The following FAM13B variants were observed in gnomAD, a reference collection of about 807,000 sequenced individuals.
FAM13B encodes protein FAM13B.
Under a neutral mutation model 117.3 loss-of-function variants are expected in FAM13B, and 60 were observed. The ratio of observed to expected loss-of-function variants is 0.51; its 90% CI spans 0.42 to 0.63. FAM13B has a LOEUF of 0.63. FAM13B is among the 30% of genes least tolerant of loss of function. The pLI, the probability that FAM13B is intolerant of heterozygous loss-of-function variation, is 0.00. For synonymous variants in FAM13B, 332 were observed against 356.1 expected (o/e 0.93, Z 0.76); for missense variants, 972 against 1,091.9 (o/e 0.89, Z 1.55).
chr5:138,000,689 G>A (rs1781001988), intron 7 of FAM13B, among the ~76,000 whole-genome samples: 1 of 152,098 alleles, frequency 6.6e-6, no homozygotes, highest in Non-Finnish European at 1.5e-5. Flanking sequence ...CCAACACTTT[G>A]GGAGGCCGAA....
At chr5:137,976,594 C>T (rs1774083891) in intron 10 of FAM13B, among the ~76,000 whole-genome samples, 2 of 152,162 alleles carry the variant, frequency 1.3e-5, no homozygotes, top group African/African-American at 4.8e-5. Context: ...GAAGCCATGG[C>T]AGAAGAACGT....
At chr5:138,042,435 C>T (rs2151128051) in intron 1 of FAM13B, among the ~76,000 whole-genome samples, 1 of 152,158 alleles carries the variant, frequency 6.6e-6, no homozygotes, top group Middle Eastern at 3.4e-3. Flanking sequence ...TATATGTTCA[C>T]CTAGGGACAA....
intron 7 of FAM13B, among the ~76,000 whole-genome samples, chr5:138,003,657 T>C (rs1781817788): frequency 6.6e-6 from 1 of 152,034 alleles, no homozygotes; most frequent in Non-Finnish European, 1.5e-5. Flanking sequence ...CAGAGACACA[T>C]AAATCACAAT....
chr5:137,940,528 AT>A (rs1201060550), intron 23 of FAM13B, 180 bp from the exon 24 acceptor site: 6 of 547,594 alleles, frequency 1.1e-5, no homozygotes, highest in Admixed American at 3.6e-5. Context: ...CACTTCTAAA[AT>A]TTTTGATGGA....
chr5:137,941,901 G>A, intron 23 of FAM13B, 43 bp downstream of exon 23: 1 of 1,465,732 alleles, frequency 6.8e-7, no homozygotes, highest in Non-Finnish European at 9.5e-7. Context: ...CAGTTTGTGA[G>A]TTAGAGAAGA....
chr5:138,001,571 A>G (rs757383772), intron 7 of FAM13B, among the ~76,000 whole-genome samples: 15 of 152,214 alleles, frequency 9.9e-5, no homozygotes, highest in Non-Finnish European at 1.6e-4. Context: ...TGTAGCAGGC[A>G]CTATCCTAAG....
chr5:137,977,449 T>G (rs1774350553), intron 10 of FAM13B, among the ~76,000 whole-genome samples: 2 of 152,186 alleles, frequency 1.3e-5, no homozygotes, highest in African/African-American at 4.8e-5. Flanking sequence ...AAAAACTTGC[T>G]GGTTTTACAG....
At position 137,956,502 on chromosome 5, in the gene FAM13B, T is replaced by C. The variant is rs1766599708; in HGVS notation, c.1482A>G (p.Thr494=). ...CCTCCCCATCTCTCTGCAGATGCATTGTTTTGAAATCAATGAGGGGAAAAG... is the reference window on the plus strand; with the variant it reads ...CCTCCCCATCTCTCTGCAGATGCATCGTTTTGAAATCAATGAGGGGAAAAG... ...PITFPLIDFK[T]MHLQRDGEEP... The change falls in exon 14 of 24, where the codon ACA becomes ACG. Residue 494 remains threonine, a synonymous_variant. Coordinates refer to ENST00000689681, the MANE Select transcript of FAM13B (RefSeq NM_001385994.1). 1 of 1,601,616 alleles carries C rather than the reference T, an allele frequency of 6.2e-7. No homozygotes were observed. Among genetic ancestry groups the C allele is most frequent in the African/African-American group, 1.3e-5 (1 of 74,748 alleles).
intron 1 of FAM13B, among the ~76,000 whole-genome samples, chr5:138,031,611 G>C (rs1168435610): frequency 6.6e-6 from 1 of 151,996 alleles, no homozygotes; most frequent in Non-Finnish European, 1.5e-5. Flanking sequence ...CTTGAATCCG[G>C]GAGGAGGAGG....
At chr5:137,946,061 C>T (rs1042638749) in intron 19 of FAM13B, 64 bp from the exon 20 acceptor site, 131 of 1,414,550 alleles carry the variant, frequency 9.3e-5, no homozygotes, top group Middle Eastern at 1.8e-4. Flanking sequence ...AAACATTAAA[C>T]AATGACTTAT....
intron 7 of FAM13B, among the ~76,000 whole-genome samples, chr5:138,000,536 A>G (rs1228898380): frequency 6.6e-6 from 1 of 152,224 alleles, no homozygotes; most frequent in Non-Finnish European, 1.5e-5. Flanking sequence ...TTGTATAACC[A>G]AAATATCTGA....
At chr5:138,014,676 G>A (rs994026360) in intron 4 of FAM13B, among the ~76,000 whole-genome samples, 2 of 152,142 alleles carry the variant, frequency 1.3e-5, no homozygotes, top group African/African-American at 4.8e-5. Flanking sequence ...AAAAGATGTT[G>A]AACATACTAC....
chr5:138,022,957 T>G (rs1408535545), intron 1 of FAM13B, among the ~76,000 whole-genome samples: 1 of 151,900 alleles, frequency 6.6e-6, no homozygotes, highest in Non-Finnish European at 1.5e-5. Context: ...CCTCCCAAAT[T>G]GCTGGGCCTA....
At chr5:137,943,744 C>CA (rs61473240) in intron 20 of FAM13B, among the ~76,000 whole-genome samples, 26,845 of 148,900 alleles carry the variant, frequency 0.18, 2,443 homozygotes, top group African/African-American at 0.21. Context: ...GACTCTGCCT[C>CA]AAAAAAAAAA....
At chr5:137,947,804 C>T (rs1371935380) in intron 18 of FAM13B, among the ~76,000 whole-genome samples, 1 of 152,010 alleles carries the variant, frequency 6.6e-6, no homozygotes, top group African/African-American at 2.4e-5. Flanking sequence ...AGGCTGGTCT[C>T]GAACTCCTGA....
chr5:138,042,951 G>A (rs1444560571), intron 1 of FAM13B, among the ~76,000 whole-genome samples: 1 of 152,138 alleles, frequency 6.6e-6, no homozygotes, highest in Non-Finnish European at 1.5e-5. Context: ...AAGTAGCCGG[G>A]TGTGGTGGCG....
chr5:138,011,274 C>G (rs1017387240), intron 5 of FAM13B, 125 bp from the exon 6 acceptor site: 1 of 868,892 alleles, frequency 1.2e-6, no homozygotes, highest in Non-Finnish European at 1.8e-6. Flanking sequence ...CTTCCATTCT[C>G]CCATCTGTAA....
At chr5:138,042,269 G>A (rs368251794) in intron 1 of FAM13B, among the ~76,000 whole-genome samples, 1 of 152,134 alleles carries the variant, frequency 6.6e-6, no homozygotes, top group African/African-American at 2.4e-5. Flanking sequence ...GTATGAATCC[G>A]TTAAAAACAG....
intron 1 of FAM13B, among the ~76,000 whole-genome samples, chr5:138,049,438 T>C (rs1561562795): frequency 6.6e-6 from 1 of 151,802 alleles, no homozygotes; most frequent in African/African-American, 2.4e-5. Flanking sequence ...CACGCCCTAC[T>C]AATTTTTTTT....
Sources: allele counts gnomAD v4.1 joint callset (sites outside exome capture counted in the v4.1 genomes callset), GRCh38; gene constraint gnomAD v4.1.1; transcripts MANE v1.5; gene names NCBI Gene and HGNC (gene_info 2026-07-23, HGNC 2026-07-21).